The following ANKH variants were observed in gnomAD, a reference collection of about 807,000 sequenced individuals.
ANKH encodes mineralization regulator ANKH.
Under a neutral mutation model 49.0 loss-of-function variants are expected in ANKH, and 15 were observed. That is an observed-to-expected ratio of 0.31 (90% CI 0.20 to 0.47). The LOEUF is 0.47. Among genes scored for constraint, ANKH ranks in the 20% least tolerant of loss-of-function variants. ANKH has a pLI of 1.00. For synonymous variants in ANKH, 273 were observed against 260.0 expected (o/e 1.05, Z -0.48); for missense variants, 429 against 652.0 (o/e 0.66, Z 3.72).
intron 1 of ANKH, among the ~76,000 whole-genome samples, chr5:14,776,017 CA>C (rs1382376131): frequency 6.6e-6 from 1 of 152,162 alleles, no homozygotes; most frequent in Non-Finnish European, 1.5e-5. Flanking sequence ...GGAAGGAAAG[CA>C]AATGGGTGTG....
intron 1 of ANKH, among the ~76,000 whole-genome samples, chr5:14,802,457 C>T (rs1027310792): frequency 1.3e-5 from 2 of 152,138 alleles, no homozygotes; most frequent in Non-Finnish European, 2.9e-5. Flanking sequence ...CTTGATCTCT[C>T]TTGACCTTAT....
Position 14,738,723 on chromosome 5 carries a change from A to G in ANKH, c.1011+3104T>C, listed in dbSNP as rs573273976. On this transcript the variant is annotated intron_variant, in intron 8 of 11. Coordinates refer to ENST00000284268, the MANE Select transcript of ANKH (RefSeq NM_054027.6). ...AATTCGACATCAGCCTGAGCAACAT[A>G]GTGAGACCCCTTCTATACAAACAGT... Among the ~76,000 whole-genome samples, 9 of 152,014 alleles carry G rather than the reference A, an allele frequency of 5.9e-5. No individual in the cohort carries two copies. In the South Asian group the frequency reaches 1.7e-3, roughly 28 times the overall value.
chr5:14,743,220 C>T (rs892260420), intron 7 of ANKH, among the ~76,000 whole-genome samples: 11 of 152,200 alleles, frequency 7.2e-5, no homozygotes, highest in Non-Finnish European at 1.0e-4. Context: ...TGGAGACCTC[C>T]GTCTCCATTC....
intron 8 of ANKH, among the ~76,000 whole-genome samples, chr5:14,734,396 C>CG (rs1235832732): frequency 7.2e-5 from 11 of 152,190 alleles, no homozygotes; most frequent in Non-Finnish European, 1.5e-4. Flanking sequence ...TCCATGTGTG[C>CG]GCTCACCATT....
chr5:14,795,390 C>T (rs1385191409), intron 1 of ANKH, among the ~76,000 whole-genome samples: 1 of 152,090 alleles, frequency 6.6e-6, no homozygotes, highest in Admixed American at 6.5e-5. Context: ...TAGAGAGATC[C>T]CTACAATAAT....
chr5:14,855,647 G>C (rs574105356), intron 1 of ANKH, among the ~76,000 whole-genome samples: 2 of 151,988 alleles, frequency 1.3e-5, no homozygotes, highest in Non-Finnish European at 2.9e-5. Context: ...ATTACAGAAG[G>C]GGTCCATGGT....
intron 8 of ANKH, among the ~76,000 whole-genome samples, chr5:14,735,948 T>C (rs1479230902): frequency 1.3e-5 from 2 of 151,432 alleles, no homozygotes; most frequent in African/African-American, 4.9e-5. Flanking sequence ...CGGTCTCCCT[T>C]TAACCCCCCA....
chr5:14,826,554 T>C (rs1319895963), intron 1 of ANKH, among the ~76,000 whole-genome samples: 1 of 152,196 alleles, frequency 6.6e-6, no homozygotes, highest in Non-Finnish European at 1.5e-5. Context: ...AATTAATAAA[T>C]TAATTCCATC....
intron 5 of ANKH, among the ~76,000 whole-genome samples, chr5:14,750,744 C>T (rs1174641367): frequency 6.6e-6 from 1 of 152,198 alleles, no homozygotes; most frequent in Non-Finnish European, 1.5e-5. Context: ...GTCCTAAAAC[C>T]TTTGCTGACT....
intron 2 of ANKH, 38 bp downstream of exon 2, chr5:14,768,937 C>A: frequency 6.3e-7 from 1 of 1,596,176 alleles, no homozygotes; most frequent in Non-Finnish European, 8.6e-7. Flanking sequence ...TAAGAAATTG[C>A]CAAAGCTAGA....
chr5:14,811,886 T>C lies in ANKH; in HGVS notation c.97-42695A>G, dbSNP rs569852778. Among the ~76,000 whole-genome samples, 6 of 152,310 alleles carry C rather than the reference T, an allele frequency of 3.9e-5. No homozygotes were observed. In the East Asian group the frequency reaches 1.2e-3, roughly 29 times the overall value. On this transcript the variant is annotated intron_variant, in intron 1 of 11. Transcript: ENST00000284268. ...ATTATCCACCTTTATTCAGTTCTTC[T>C]ACTCTTAAGCCTTCAAGGTCTGAAG...
chr5:14,733,682 A>C (rs892554543), intron 8 of ANKH, among the ~76,000 whole-genome samples: 6 of 152,224 alleles, frequency 3.9e-5, no homozygotes, highest in Admixed American at 1.3e-4. Context: ...GATCATTTAC[A>C]TGGGCTTTGC....
At chr5:14,844,339 G>C (rs1741897616) in intron 1 of ANKH, among the ~76,000 whole-genome samples, 1 of 152,172 alleles carries the variant, frequency 6.6e-6, no homozygotes, top group African/African-American at 2.4e-5. Flanking sequence ...CCTACTTTTG[G>C]CCTAAGGTGT....
At chr5:14,751,887 C>A (rs539144607) in intron 4 of ANKH, among the ~76,000 whole-genome samples, 1 of 152,182 alleles carries the variant, frequency 6.6e-6, no homozygotes, top group East Asian at 1.9e-4. Flanking sequence ...CTTTCCCTCT[C>A]GAGGCTGGAC....
intron 8 of ANKH, among the ~76,000 whole-genome samples, chr5:14,738,879 G>A (rs1738266995): frequency 6.6e-6 from 1 of 152,176 alleles, no homozygotes; most frequent in African/African-American, 2.4e-5. Flanking sequence ...AATGCTGTCG[G>A]TACCTTACTG....
At chr5:14,819,773 G>A (rs116058780) in intron 1 of ANKH, among the ~76,000 whole-genome samples, 2,347 of 152,118 alleles carry the variant, frequency 0.015, 62 homozygotes, top group African/African-American at 0.053. Context: ...GGCTGAGGTG[G>A]GAGGATCCCT....
chr5:14,730,220 C>A (rs538627390), intron 8 of ANKH, among the ~76,000 whole-genome samples: 2 of 152,320 alleles, frequency 1.3e-5, no homozygotes, highest in East Asian at 3.9e-4. Flanking sequence ...GACAAAGTTT[C>A]TCCCCAGAAG....
intron 1 of ANKH, among the ~76,000 whole-genome samples, chr5:14,839,118 G>A (rs551475240): frequency 1.3e-5 from 2 of 152,104 alleles, no homozygotes; most frequent in African/African-American, 2.4e-5. Context: ...GCTTAATGGC[G>A]GGGAGAGTCT....
At position 14,769,096 on chromosome 5, in the gene ANKH, A is replaced by G; in HGVS notation, c.192T>C (p.Gly64=). Residue 64 remains glycine, a synonymous_variant, in exon 2 of 12, where the codon GGT becomes GGC. Transcript: ENST00000284268. ...LAYSLMKFFT[G]PMSDFKNVGL... The stretch of plus-strand genomic sequence containing the variant: ...CCACATTTTTGAAGTCACTCATGGG[A>G]CCCGTGAAGAACTTCATGAGGGAGT... 1 of 1,613,914 alleles carries G rather than the reference A, an allele frequency of 6.2e-7. No homozygotes were observed. The highest frequency in any genetic ancestry group is 8.5e-7 in the Non-Finnish European group (1 of 1,179,986).
Sources: allele counts gnomAD v4.1 joint callset (sites outside exome capture counted in the v4.1 genomes callset), GRCh38; gene constraint gnomAD v4.1.1; transcripts MANE v1.5; gene names NCBI Gene and HGNC (gene_info 2026-07-23, HGNC 2026-07-21).